The following MAST1 variants were observed in gnomAD, a reference collection of about 807,000 sequenced individuals.
MAST1 encodes microtubule-associated serine/threonine-protein kinase 1.
MAST1 carries 40 observed loss-of-function variants against 124.6 expected under a neutral mutation model. The observed-to-expected ratio is 0.32, with a 90% CI of 0.25 to 0.42. The LOEUF is 0.42. MAST1 is among the 10% of genes least tolerant of loss of function. The pLI is 1.00. For synonymous variants in MAST1, 938 were observed against 939.4 expected, an observed-to-expected ratio of 1.00 and a Z score of 0.03; for missense variants, 1,558 against 2,181.9, an observed-to-expected ratio of 0.71 and a Z score of 5.70.
At position 12,874,337 on chromosome 19, in the gene MAST1, G is replaced by T; in HGVS notation, c.4180G>T (p.Val1394Leu). 6.3e-6 allele frequency: 10 copies of T among 1,597,314 alleles called. No homozygotes were observed. The highest frequency in any genetic ancestry group is 8.5e-6 in the Non-Finnish European group (10 of 1,178,352). ...RDVGCTRHQS[V>L]QTEDGTGGMA... ...CGTCGGCTGCACGCGGCATCAGAGCGTGCAGACGGAGGATGGCACTGGCGG... is the reference window on the plus strand; with the variant it reads ...CGTCGGCTGCACGCGGCATCAGAGCTTGCAGACGGAGGATGGCACTGGCGG... The change falls in exon 26 of 26, where the codon GTG becomes TTG. Residue 1394 changes from valine to leucine, a missense_variant. Physicochemically the swap from Val to Leu is conservative, Grantham distance 32. Around this residue, in one of 10 missense-constraint regions of MAST1, gnomAD observed 263 missense variants for 310.9 expected, o/e 0.85. Transcript: ENST00000251472. This position sits in a 1 kb window ranked among gnomAD's most constrained non-coding sequence, Gnocchi z 6.6.
intron 2 of MAST1, 103 bp from the exon 3 acceptor site, chr19:12,840,888 C>T: frequency 1.3e-6 from 1 of 780,232 alleles, no homozygotes; most frequent in South Asian, 1.3e-5. Context: ...CGTGGTCTCC[C>T]CATAATAGGC....
chr19:12,851,294 C>G (rs2145894358), intron 7 of MAST1, among the ~76,000 whole-genome samples: 1 of 148,258 alleles, frequency 6.7e-6, no homozygotes, highest in East Asian at 2.0e-4. Context: ...GACAGGGTCT[C>G]TCTCTCTGTC....
In MAST1 at chr19:12,865,947, CA is replaced by C. The variant is rs1568413527; in HGVS notation, c.1907-32del. The C allele has an allele frequency of 6.2e-7, 1 of 1,612,476 alleles. No individual in the cohort carries two copies. The highest frequency in any genetic ancestry group is 2.2e-5 in the East Asian group (1 of 44,774). On this transcript the variant is annotated intron_variant, in intron 16 of 25. Transcript: ENST00000251472. The surrounding 1 kb of genome is among the most constrained non-coding windows in gnomAD (Gnocchi z 7.1). ...GGCGGGGCTGGGCTGCTGGGTTGGCCATCAGCTGTGGCTGGAATCCCTTCCG... is the reference window on the plus strand; with the variant it reads ...GGCGGGGCTGGGCTGCTGGGTTGGCCTCAGCTGTGGCTGGAATCCCTTCCG...
chr19:12,840,996 A>T lies in MAST1; in HGVS notation c.178A>T (p.Ser60Cys). ...HSPLPGHLGS[S>C]PLDSPRNFSP... ...GCCCCCTCTTTCTCTCATAGGCAGCAGTCCCCTGGACAGCCCCCGAAACTT... is the reference window on the plus strand; with the variant it reads ...GCCCCCTCTTTCTCTCATAGGCAGCTGTCCCCTGGACAGCCCCCGAAACTT... Residue 60 changes from serine (S) to cysteine (C), a missense_variant, in exon 3 of 26, where the codon AGT becomes TGT. Physicochemically the swap from Ser to Cys is moderately radical, Grantham distance 112 (BLOSUM62 -1). Around this residue, in one of 10 missense-constraint regions of MAST1, gnomAD observed 57 missense variants for 35.3 expected, o/e 1.62. Transcript: ENST00000251472. The T allele has an allele frequency of 7.8e-7, 1 of 1,278,608 alleles. No homozygotes were observed. Among genetic ancestry groups the T allele is most frequent in the Non-Finnish European group, 1.1e-6 (1 of 872,758 alleles). 79.2% of individuals were successfully genotyped at this position (1,278,608 alleles called of 1,614,324 possible). A position where few individuals can be genotyped will look rare whatever the true frequency, so the allele number is the denominator to read the frequency against.
Position 12,867,545 on chromosome 19 carries a change from G to A in MAST1, c.2211G>A (p.Lys737=). 2 of 1,613,772 alleles carry A rather than the reference G, an allele frequency of 1.2e-6. No homozygotes were observed. Among genetic ancestry groups the A allele is most frequent in the Non-Finnish European group, 8.5e-7 (1 of 1,179,972 alleles). ...CAGTAGCAGCTGCAGGGAGCAGCAA[G>A]CGGGAGCCGAGCACCAAGGGCCCCG... ...KTPVAAAGSS[K]REPSTKGPEE... is the part of the protein sequence containing the mutation. The change falls in exon 19 of 26, where the codon AAG becomes AAA. Residue 737 remains lysine, a synonymous_variant. Coordinates refer to ENST00000251472, the MANE Select transcript of MAST1 (RefSeq NM_014975.3).
In MAST1 at chr19:12,865,689, C is replaced by T. The variant is rs892963421; in HGVS notation, c.1805-28C>T. Reference sequence around the variant, plus strand: ...TCCAAACAACAACAACAACAAAAACCGCCCCTAAGTTCCGTTTTGTTTTGC... The same window carrying T: ...TCCAAACAACAACAACAACAAAAACTGCCCCTAAGTTCCGTTTTGTTTTGC... On this transcript the variant is annotated intron_variant, in intron 15 of 25. Coordinates refer to ENST00000251472, the MANE Select transcript of MAST1 (RefSeq NM_014975.3). This position sits in a 1 kb window ranked among gnomAD's most constrained non-coding sequence, Gnocchi z 7.1. 4 of 1,573,158 alleles carry T rather than the reference C, an allele frequency of 2.5e-6. No homozygotes were observed. The highest frequency in any genetic ancestry group is 2.7e-5 in the African/African-American group (2 of 73,654).
chr19:12,868,083 T>A, intron 20 of MAST1, 106 bp downstream of exon 20: 1 of 1,077,248 alleles, frequency 9.3e-7, no homozygotes, highest in Non-Finnish European at 1.3e-6. Flanking sequence ...TCTCAGGTCC[T>A]ATTCACATTG....
chr19:12,845,202 T>C (rs1413811373), intron 4 of MAST1, among the ~76,000 whole-genome samples: 1 of 151,888 alleles, frequency 6.6e-6, no homozygotes, highest in Non-Finnish European at 1.5e-5. Context: ...CTCAGGAGGC[T>C]GAGGCAGGGA....
At chr19:12,868,051 G>A (rs1041761624) in intron 20 of MAST1, 74 bp downstream of exon 20, 2 of 1,445,886 alleles carry the variant, frequency 1.4e-6, no homozygotes, top group Non-Finnish European at 1.8e-6. Context: ...CATCCCACGA[G>A]CCTGGTGCTG....
At chr19:12,856,149 C>CT (rs1392468442) in intron 10 of MAST1, among the ~76,000 whole-genome samples, 5 of 151,906 alleles carry the variant, frequency 3.3e-5, no homozygotes, top group Admixed American at 3.3e-4. Context: ...TATCATAGAT[C>CT]TTTTTATGTA....
At chr19:12,839,747 G>A (rs1346884480) in intron 1 of MAST1, among the ~76,000 whole-genome samples, 1 of 152,068 alleles carries the variant, frequency 6.6e-6, no homozygotes, top group Non-Finnish European at 1.5e-5. Flanking sequence ...CATGTAGGGG[G>A]GATCATGCAT....
chr19:12,864,696 G>T, intron 12 of MAST1, 113 bp from the exon 13 acceptor site: 1 of 1,412,266 alleles, frequency 7.1e-7, no homozygotes, highest in South Asian at 1.3e-5. Context: ...CAGAGCCTCA[G>T]TTTCCCTTAT....
Position 12,869,078 on chromosome 19 carries a change from G to T in MAST1, c.2786G>T (p.Gly929Val). 1 of 1,614,138 alleles carries T rather than the reference G, an allele frequency of 6.2e-7. No individual in the cohort carries two copies. ...TGTGTGTCTGTAGTGGACCCACATGGAAGTTCACCCCTTGCTAGTCCCATG... is the reference window on the plus strand; with the variant it reads ...TGTGTGTCTGTAGTGGACCCACATGTAAGTTCACCCCTTGCTAGTCCCATG... ...SVMIPAVDPH[G>V]SSPLASPMSP... The change falls in exon 22 of 26, where the codon GGA becomes GTA. Residue 929 changes from glycine (G) to valine (V), a missense_variant. By Grantham distance (109) the Gly-to-Val change is moderately radical (BLOSUM62 -3). This residue lies in a region of MAST1 where 291 missense variants were observed against 475.8 expected (regional missense o/e 0.61). Transcript: ENST00000251472.
Position 12,841,175 on chromosome 19 carries a change from G to C in MAST1, c.248+109G>C, listed in dbSNP as rs1969822181. On this transcript the variant is annotated intron_variant, in intron 3 of 25. Coordinates refer to ENST00000251472, the MANE Select transcript of MAST1 (RefSeq NM_014975.3). The surrounding 1 kb of genome is among the most constrained non-coding windows in gnomAD (Gnocchi z 4.3). The stretch of plus-strand genomic sequence containing the variant: ...ATTGCACCCGAGCTGGGGCCTGAGG[G>C]GACCAGCGAGTGCCCCAAGGTCTCA... 1 of 653,760 alleles carries C rather than the reference G, an allele frequency of 1.5e-6. No individual in the cohort carries two copies. Among genetic ancestry groups the C allele is most frequent in the Admixed American group, 2.6e-5 (1 of 38,024 alleles). 40.5% of individuals were successfully genotyped at this position (653,760 alleles called of 1,614,324 possible). A position where few individuals can be genotyped will look rare whatever the true frequency, so the allele number is the denominator to read the frequency against.
intron 12 of MAST1, among the ~76,000 whole-genome samples, chr19:12,863,470 GA>G (rs1461460961): frequency 6.6e-6 from 1 of 152,172 alleles, no homozygotes; most frequent in Non-Finnish European, 1.5e-5. Context: ...ATTGGTGATT[GA>G]AAAACCAATA....
At chr19:12,861,812 C>T (rs1970087286) in intron 12 of MAST1, among the ~76,000 whole-genome samples, 1 of 151,708 alleles carries the variant, frequency 6.6e-6, no homozygotes, top group Non-Finnish European at 1.5e-5. Flanking sequence ...AAGCGATTCT[C>T]CTGCCTCAAC....
intron 9 of MAST1, 22 bp from the exon 10 acceptor site, chr19:12,852,306 C>T (rs779995143): frequency 6.2e-7 from 1 of 1,614,150 alleles, no homozygotes; most frequent in Admixed American, 1.7e-5. Flanking sequence ...CCAGCTCGTG[C>T]TCACTCTCAG....
chr19:12,868,126 T>TTTTG (rs1491136033), intron 20 of MAST1, 149 bp downstream of exon 20: 1 of 637,026 alleles, frequency 1.6e-6, no homozygotes, highest in Non-Finnish European at 2.3e-6. Flanking sequence ...TTTTTTTTTT[T>TTTTG]GAGACAGAGT....
At chr19:12,840,336 C>T in intron 1 of MAST1, 110 bp from the exon 2 acceptor site, 1 of 728,400 alleles carries the variant, frequency 1.4e-6, no homozygotes, top group African/African-American at 1.7e-5. Flanking sequence ...CCTCCAAACA[C>T]ACATGGATGG....
Sources: gnomAD v4.1 joint callset for allele counts (sites outside exome capture counted in the v4.1 genomes callset) on GRCh38, gnomAD v4.1.1 for gene constraint, gnomAD v4.1.1 regional missense constraint, Gnocchi (gnomAD v3.1) non-coding constraint, MANE v1.5 for transcripts, NCBI Gene and HGNC (gene_info 2026-07-23, HGNC 2026-07-21) for gene names.